MIPEP: variants seen among roughly 807,000 people sequenced by gnomAD.
MIPEP encodes mitochondrial intermediate peptidase.
In MIPEP, 79 loss-of-function variants were observed where a neutral mutation model predicts 90.3. That is an observed-to-expected ratio of 0.87 (90% confidence interval 0.73 to 1.05). The LOEUF (loss-of-function observed/expected upper bound fraction) is 1.05. MIPEP is among the 50% of genes least tolerant of loss of function. MIPEP has a pLI of 0.00. For synonymous variants in MIPEP, 334 were observed against 315.8 expected (o/e 1.06, Z -0.61); for missense variants, 940 against 905.6 (o/e 1.04, Z -0.49).
At position 23,889,200 on chromosome 13, in the gene MIPEP, A is replaced by G. The variant is rs1871683038; in HGVS notation, c.121T>C (p.Ser41Pro). 1.2e-5 allele frequency: 17 copies of G among 1,464,008 alleles called. No individual in the cohort carries two copies. The highest frequency in any genetic ancestry group is 1.5e-5 in the African/African-American group (1 of 67,246). 90.7% of individuals were successfully genotyped at this position (1,464,008 alleles called of 1,614,324 possible). A position where few individuals can be genotyped will look rare whatever the true frequency, so the allele number is the denominator to read the frequency against. Reference sequence around the variant, plus strand: ...ACATTGAAGGCGGCGCCCACGGGAGACCAGCTGGTGCTGACCCTTCGGGCC... The same window carrying G: ...ACATTGAAGGCGGCGCCCACGGGAGGCCAGCTGGTGCTGACCCTTCGGGCC... The part of the protein sequence containing the change: ...IRARRVSTSW[S>P]PVGAAFNVKP... Residue 41 changes from serine (S) to proline (P), a missense_variant, in exon 1 of 19, where the codon TCT (serine) becomes CCT (proline). By Grantham distance (74) the Ser-to-Pro change is moderately conservative. Transcript: ENST00000382172.
In MIPEP at chr13:23,831,756, A is replaced by G. The variant is rs1868779583; in HGVS notation, c.1653+4484T>C. Among the ~76,000 whole-genome samples the G allele has an allele frequency of 2.0e-5, 3 of 152,282 alleles. No individual in the cohort carries two copies. In the East Asian group the frequency reaches 5.8e-4, roughly 29 times the overall value. The stretch of plus-strand genomic sequence containing the variant: ...AAGGACCTAATCACATCTCAAATGC[A>G]CCACCTACCAATACCACCATGTTGG... On this transcript the variant is annotated intron_variant, in intron 14 of 18. Coordinates refer to ENST00000382172, the MANE Select transcript of MIPEP (RefSeq NM_005932.4).
intron 5 of MIPEP, among the ~76,000 whole-genome samples, chr13:23,872,845 A>AT (rs1272937894): frequency 6.6e-6 from 1 of 152,220 alleles, no homozygotes; most frequent in African/African-American, 2.4e-5. Flanking sequence ...ATTCACATGG[A>AT]TTCTCTACTA....
chr13:23,859,388 C>A (rs886689738), intron 9 of MIPEP, among the ~76,000 whole-genome samples: 2 of 152,168 alleles, frequency 1.3e-5, no homozygotes, highest in African/African-American at 2.4e-5. Flanking sequence ...AGAATTAACT[C>A]TAATCTTGGC....
chr13:23,843,446 C>T (rs1488086203), intron 10 of MIPEP, among the ~76,000 whole-genome samples: 1 of 152,170 alleles, frequency 6.6e-6, no homozygotes. Context: ...GAGTATTCAA[C>T]CTTCTATTAG....
chr13:23,809,672 A>G (rs1953150639), intron 15 of MIPEP, among the ~76,000 whole-genome samples, 178 bp downstream of exon 15: 1 of 152,156 alleles, frequency 6.6e-6, no homozygotes, highest in East Asian at 1.9e-4. Context: ...CGCCTACTTC[A>G]TAAGGGCAGT....
chr13:23,756,691 G>GA lies in MIPEP; in HGVS notation c.1971-74dup, dbSNP rs1952494342. The GA allele has an allele frequency of 9.7e-6, 14 of 1,447,100 alleles. No individual in the cohort carries two copies. In the South Asian group the frequency reaches 1.4e-4, roughly 14 times the overall value. 89.6% of individuals were successfully genotyped at this position (1,447,100 alleles called of 1,614,324 possible). A position where few individuals can be genotyped will look rare whatever the true frequency, so the allele number is the denominator to read the frequency against. On this transcript the variant is annotated intron_variant, in intron 17 of 18. Transcript: ENST00000382172. ...TTCACACTTGTCTTGAATTCTCAAA[G>GA]AAAGCCACACTGATGCCATATTCAT...
intron 14 of MIPEP, among the ~76,000 whole-genome samples, chr13:23,821,103 C>T (rs546760378): frequency 1.1e-4 from 16 of 152,314 alleles, no homozygotes; most frequent in Admixed American, 2.6e-4. Context: ...TATCACCTAT[C>T]AACTATTATT....
intron 16 of MIPEP, among the ~76,000 whole-genome samples, chr13:23,803,859 C>CT (rs139217522): frequency 6.6e-6 from 1 of 151,990 alleles, no homozygotes; most frequent in African/African-American, 2.4e-5. Flanking sequence ...CTCTCAGACA[C>CT]TTTTTTTTAA....
chr13:23,884,756 T>G (rs1340590863), intron 2 of MIPEP, among the ~76,000 whole-genome samples: 4 of 152,268 alleles, frequency 2.6e-5, no homozygotes, highest in Non-Finnish European at 1.5e-5. Flanking sequence ...AGATTGTGTC[T>G]GTTTCATTCC....
At chr13:23,806,276 CATAA>C (rs1268019215) in intron 15 of MIPEP, among the ~76,000 whole-genome samples, 1 of 152,178 alleles carries the variant, frequency 6.6e-6, no homozygotes, top group Non-Finnish European at 1.5e-5. Flanking sequence ...TCAACCTTTT[CATAA>C]ATAAGAATAT....
chr13:23,779,496 T>C (rs9578643), intron 16 of MIPEP, among the ~76,000 whole-genome samples: 42,559 of 151,890 alleles, frequency 0.28, 6,670 homozygotes, highest in African/African-American at 0.39. Context: ...GATGGACGAA[T>C]AGGAACAGCT....
intron 16 of MIPEP, among the ~76,000 whole-genome samples, chr13:23,775,109 CTGTGTGTG>C (rs57354012): frequency 0.48 from 71,393 of 148,996 alleles, 17,392 homozygotes; most frequent in Non-Finnish European, 0.52. Context: ...TATCAGTTCT[CTGTGTGTG>C]TGTGTGTGTG....
At chr13:23,787,689 C>A (rs944195056) in intron 16 of MIPEP, among the ~76,000 whole-genome samples, 1 of 152,254 alleles carries the variant, frequency 6.6e-6, no homozygotes, top group East Asian at 1.9e-4. Context: ...CTCAGCATTG[C>A]GAAAAGTCTA....
At chr13:23,811,027 A>G (rs1953165707) in intron 14 of MIPEP, among the ~76,000 whole-genome samples, 1 of 152,220 alleles carries the variant, frequency 6.6e-6, no homozygotes, top group Admixed American at 6.5e-5. Flanking sequence ...GGTACAGGTC[A>G]CAGGCCTGGG....
chr13:23,746,240 C>T (rs1425992604), intron 18 of MIPEP, among the ~76,000 whole-genome samples: 4 of 151,330 alleles, frequency 2.6e-5, no homozygotes, highest in African/African-American at 4.8e-5. Context: ...TCTTGAACTC[C>T]GGACCTCAGG....
chr13:23,865,587 C>T (rs1200140612), intron 7 of MIPEP, among the ~76,000 whole-genome samples: 3 of 152,118 alleles, frequency 2.0e-5, no homozygotes, highest in Non-Finnish European at 4.4e-5. Context: ...TGCTTGTATA[C>T]GTTTTATTTC....
Position 23,756,612 on chromosome 13 carries a change from G to C in MIPEP, c.1977C>G (p.Ala659=). 1 of 1,612,720 alleles carries C rather than the reference G, an allele frequency of 6.2e-7. No homozygotes were observed. Among genetic ancestry groups the C allele is most frequent in the Non-Finnish European group, 8.5e-7 (1 of 1,179,932 alleles). ...GCATCTCCCTGCGATAGCGCTCCCC[G>C]GCAGCCCTGGGGAAGAGAGGTTCTG... ...CFLQDPFNRA[A]GERYRREMLA... The change falls in exon 18 of 19, where the codon GCC becomes GCG. Residue 659 remains alanine, a synonymous_variant. Transcript: ENST00000382172.
chr13:23,834,052 G>A (rs911112077), intron 14 of MIPEP, among the ~76,000 whole-genome samples: 6 of 152,042 alleles, frequency 3.9e-5, no homozygotes, highest in African/African-American at 1.4e-4. Flanking sequence ...CACCAGCCGT[G>A]TACTTGTCTG....
chr13:23,845,647 CA>C (rs1869504580), intron 10 of MIPEP, among the ~76,000 whole-genome samples: 1 of 152,164 alleles, frequency 6.6e-6, no homozygotes, highest in Non-Finnish European at 1.5e-5. Context: ...GGCATTGCTG[CA>C]AAGAGTACAA....
Sources: allele counts gnomAD v4.1 joint callset (sites outside exome capture counted in the v4.1 genomes callset), GRCh38; gene constraint gnomAD v4.1.1; transcripts MANE v1.5; gene names NCBI Gene and HGNC (gene_info 2026-07-23, HGNC 2026-07-21).